The following RBFOX1 variants were observed in gnomAD, a reference collection of about 807,000 sequenced individuals.
RBFOX1 encodes the protein RNA binding fox-1 homolog 1.
In RBFOX1, 8 loss-of-function variants were observed where a neutral mutation model predicts 57.7. The observed-to-expected ratio is 0.14, with a 90% CI of 0.08 to 0.25. The LOEUF is 0.25. RBFOX1 is among the 10% of genes least tolerant of loss of function. RBFOX1 has a pLI of 1.00. For missense variants in RBFOX1, 611 were observed against 548.5 expected, an observed-to-expected ratio of 1.11 and a Z score of -1.14; for synonymous variants, 326 against 222.4, an observed-to-expected ratio of 1.47 and a Z score of -4.15.
intron 3 of RBFOX1, among the ~76,000 whole-genome samples, chr16:6,696,728 A>G (rs2061109143): frequency 1.3e-5 from 2 of 152,124 alleles, no homozygotes; most frequent in African/African-American, 4.8e-5. Context: ...TGGCTTGTTT[A>G]ACTTACAAAA....
At chr16:5,440,700 G>C (rs1460500308) in intron 1 of RBFOX1, among the ~76,000 whole-genome samples, 1 of 152,170 alleles carries the variant, frequency 6.6e-6, no homozygotes, top group Non-Finnish European at 1.5e-5. Context: ...CCCTTTCAAG[G>C]AAGCTGAGTA....
chr16:7,545,863 G>C (rs539886923), intron 5 of RBFOX1, among the ~76,000 whole-genome samples: 2 of 151,984 alleles, frequency 1.3e-5, no homozygotes, highest in East Asian at 3.9e-4. Flanking sequence ...TCTCTGCATC[G>C]GGGGAGCAGA....
At chr16:7,321,366 G>C (rs1461036650) in intron 4 of RBFOX1, among the ~76,000 whole-genome samples, 1 of 151,918 alleles carries the variant, frequency 6.6e-6, no homozygotes, top group Non-Finnish European at 1.5e-5. Flanking sequence ...GGCTGTTCTT[G>C]AACTCCTGAC....
At chr16:5,421,182 G>C (rs1193848678) in intron 1 of RBFOX1, among the ~76,000 whole-genome samples, 2 of 151,200 alleles carry the variant, frequency 1.3e-5, no homozygotes, top group Non-Finnish European at 2.9e-5. Flanking sequence ...AATTTTTGTA[G>C]TTTTTGGTAG....
At chr16:5,940,945 C>G (rs1429093853) in intron 4 of RBFOX1, among the ~76,000 whole-genome samples, 4 of 152,104 alleles carry the variant, frequency 2.6e-5, no homozygotes, top group African/African-American at 9.7e-5. Flanking sequence ...GTTTGAATCT[C>G]AATTCTGCCC....
intron 14 of RBFOX1, among the ~76,000 whole-genome samples, chr16:7,707,215 C>T (rs749293259): frequency 3.3e-5 from 5 of 152,254 alleles, no homozygotes; most frequent in Non-Finnish European, 5.9e-5. Flanking sequence ...TGGAAGATGC[C>T]CAGTGCAAAC....
intron 3 of RBFOX1, among the ~76,000 whole-genome samples, chr16:5,649,918 G>A (rs189878087): frequency 6.6e-6 from 1 of 152,146 alleles, no homozygotes; most frequent in Non-Finnish European, 1.5e-5. Context: ...TTCATCAGAG[G>A]AGGTAGCACT....
chr16:6,452,128 A>T (rs1308776210), intron 2 of RBFOX1, among the ~76,000 whole-genome samples: 1 of 127,672 alleles, frequency 7.8e-6, no homozygotes, highest in Non-Finnish European at 1.6e-5. Flanking sequence ...CCTTCCTTCC[A>T]TGACTCCATC....
At chr16:7,335,936 C>T (rs1384854913) in intron 4 of RBFOX1, among the ~76,000 whole-genome samples, 1 of 152,172 alleles carries the variant, frequency 6.6e-6, no homozygotes. Context: ...TCTGGACTGT[C>T]TCATGTGCAG....
At chr16:5,745,938 T>C (rs2052963799) in intron 3 of RBFOX1, among the ~76,000 whole-genome samples, 1 of 152,206 alleles carries the variant, frequency 6.6e-6, no homozygotes. Flanking sequence ...AGCTCTTTAG[T>C]TTAATTAGAT....
chr16:6,676,127 GACACACACACACGCGCAC>G (rs2057605904), intron 3 of RBFOX1, among the ~76,000 whole-genome samples: 1 of 125,492 alleles, frequency 8.0e-6, no homozygotes, highest in African/African-American at 3.2e-5. Flanking sequence ...CTGCCTAGGG[GACACACACACACGCGCAC>G]ACACACACAC....
intron 3 of RBFOX1, among the ~76,000 whole-genome samples, chr16:6,949,071 C>G (rs143917689): frequency 7.0e-4 from 106 of 152,284 alleles, no homozygotes; most frequent in Admixed American, 3.5e-3. Context: ...AAGGACAAAG[C>G]TATTGTCAAG....
intron 1 of RBFOX1, among the ~76,000 whole-genome samples, chr16:6,148,305 C>T (rs968311766): frequency 1.8e-4 from 27 of 152,146 alleles, no homozygotes; most frequent in East Asian, 5.8e-4. Flanking sequence ...CCAGCCTGGG[C>T]GACGGAGTGA....
intron 4 of RBFOX1, among the ~76,000 whole-genome samples, chr16:7,188,241 A>G (rs2084415448): frequency 6.6e-6 from 1 of 152,206 alleles, no homozygotes; most frequent in African/African-American, 2.4e-5. Flanking sequence ...GCTTCTTGAA[A>G]TAGTCCATGG....
chr16:6,415,842 C>T (rs890127732), intron 2 of RBFOX1, among the ~76,000 whole-genome samples: 1 of 152,194 alleles, frequency 6.6e-6, no homozygotes, highest in Non-Finnish European at 1.5e-5. Context: ...GTAGGGACTT[C>T]GAAGTCTCTA....
intron 4 of RBFOX1, among the ~76,000 whole-genome samples, chr16:7,461,412 C>T (rs145900947): frequency 0.029 from 4,422 of 152,182 alleles, 220 homozygotes; most frequent in African/African-American, 0.1. Flanking sequence ...GTGATCCGCT[C>T]ACCTTAGCCT....
intron 4 of RBFOX1, among the ~76,000 whole-genome samples, chr16:7,131,696 G>C (rs1174427357): frequency 6.6e-6 from 1 of 151,858 alleles, no homozygotes; most frequent in Non-Finnish European, 1.5e-5. Flanking sequence ...TTGCCAGACA[G>C]TAAGCCAAGC....
At chr16:6,917,868 A>T (rs978025805) in intron 3 of RBFOX1, among the ~76,000 whole-genome samples, 4 of 152,176 alleles carry the variant, frequency 2.6e-5, no homozygotes, top group African/African-American at 9.7e-5. Context: ...CTGGAAAAAT[A>T]CCAAGAAACT....
At chr16:7,707,558 G>T (rs1301052749) in intron 14 of RBFOX1, among the ~76,000 whole-genome samples, 4 of 152,120 alleles carry the variant, frequency 2.6e-5, no homozygotes, top group Non-Finnish European at 5.9e-5. Context: ...ATCCCAGTGA[G>T]TGTCTGATGC....
Sources: allele counts gnomAD v4.1 joint callset (sites outside exome capture counted in the v4.1 genomes callset), GRCh38; gene constraint gnomAD v4.1.1; transcripts MANE v1.5; gene names NCBI Gene and HGNC (gene_info 2026-07-23, HGNC 2026-07-21).